SFSWAP: variants seen among roughly 807,000 people sequenced by gnomAD.
The protein encoded by SFSWAP is splicing factor, suppressor of white-apricot homolog.
SFSWAP carries 17 observed loss-of-function variants against 100.7 expected under a neutral mutation model. The observed-to-expected ratio is 0.17, with a 90% confidence interval of 0.12 to 0.25. SFSWAP has a LOEUF of 0.25. Ranked by LOEUF, SFSWAP falls within the 10% of genes least tolerant of loss-of-function variation. SFSWAP has a pLI of 1.00. For synonymous variants in SFSWAP, 504 were observed against 510.1 expected, an observed-to-expected ratio of 0.99 and a Z score of 0.16; for missense variants, 1,005 against 1,262.6, an observed-to-expected ratio of 0.80 and a Z score of 3.09.
At chr12:131,732,715 G>T (rs1235763138) in intron 7 of SFSWAP, among the ~76,000 whole-genome samples, 1 of 152,194 alleles carries the variant, frequency 6.6e-6, no homozygotes, top group Non-Finnish European at 1.5e-5. Flanking sequence ...TCCATGCTCT[G>T]GGCATGCATA....
intron 13 of SFSWAP, among the ~76,000 whole-genome samples, chr12:131,772,533 A>T (rs1290596315): frequency 1.3e-5 from 2 of 152,212 alleles, no homozygotes; most frequent in Non-Finnish European, 2.9e-5. Flanking sequence ...GCTGCCACTC[A>T]ATCCCTTACG....
In SFSWAP at chr12:131,764,630, T is replaced by A. The variant is rs761441593; in HGVS notation, c.1895T>A (p.Val632Glu). Reference sequence around the variant, plus strand: ...AACCCAGCAGTTGCCCCACCCTGTGTAGTTGTTGAGGAGAAGAAGCCTCAA... The same window carrying A: ...AACCCAGCAGTTGCCCCACCCTGTGAAGTTGTTGAGGAGAAGAAGCCTCAA... ...NTNPAVAPPCVVVEEKKPQLT... is the reference protein window; with the variant it reads ...NTNPAVAPPCEVVEEKKPQLT... The change falls in exon 12 of 18, where the codon GTA (valine) becomes GAA (glutamate). Residue 632 changes from valine (V) to glutamate (E), a missense_variant. This residue lies in a region of SFSWAP where 82 missense variants were observed against 131.0 expected (regional missense o/e 0.63). Transcript: ENST00000261674. The A allele has an allele frequency of 4.0e-5, 65 of 1,614,102 alleles. No individual in the cohort carries two copies. Among genetic ancestry groups the A allele is most frequent in the Non-Finnish European group, 5.2e-5 (61 of 1,180,050 alleles).
Position 131,764,665 on chromosome 12 carries a change from G to A in SFSWAP, c.1930G>A (p.Glu644Lys). The A allele has an allele frequency of 6.2e-7, 1 of 1,613,568 alleles. No homozygotes were observed. Among genetic ancestry groups the A allele is most frequent in the Non-Finnish European group, 8.5e-7 (1 of 1,179,570 alleles). ...GGAGAAGAAGCCTCAACTTACCCAG[G>A]AGGAGCTAGAAGCAAAGCAAGGTTT... Reference protein sequence around the residue: ...VEEKKPQLTQEELEAKQAKQK... With the variant: ...VEEKKPQLTQKELEAKQAKQK... Residue 644 changes from glutamate to lysine, a missense_variant, in exon 12 of 18, where the codon GAG becomes AAG. Physicochemically the swap from Glu to Lys is moderately conservative, Grantham distance 56. Coordinates refer to ENST00000261674, the MANE Select transcript of SFSWAP (RefSeq NM_004592.4).
chr12:131,736,170 C>A (rs745794555), intron 7 of SFSWAP, among the ~76,000 whole-genome samples: 1 of 152,052 alleles, frequency 6.6e-6, no homozygotes, highest in Non-Finnish European at 1.5e-5. Flanking sequence ...AAAAACAGAT[C>A]CAAATAAAAA....
intron 15 of SFSWAP, among the ~76,000 whole-genome samples, chr12:131,795,964 CGGGAGGGGAGGGATAGGGGAG>C (rs1885609058): frequency 9.0e-6 from 1 of 110,964 alleles, no homozygotes; most frequent in Non-Finnish European, 1.8e-5. Flanking sequence ...GCAAGCAGGA[CGGGAGGGGAGGGATAGGGGAG>C]GGGAGGGGAG....
At chr12:131,771,042 C>T (rs1001350781) in intron 13 of SFSWAP, among the ~76,000 whole-genome samples, 2 of 152,198 alleles carry the variant, frequency 1.3e-5, no homozygotes, top group Non-Finnish European at 1.5e-5. Context: ...TTGAATGGTG[C>T]TCGGTCGTGT....
intron 7 of SFSWAP, among the ~76,000 whole-genome samples, chr12:131,749,679 TAGA>T (rs1881442746): frequency 1.3e-5 from 2 of 152,320 alleles, no homozygotes; most frequent in South Asian, 4.1e-4. Context: ...TGAGGCATTT[TAGA>T]AGCAGTCCAG....
intron 9 of SFSWAP, 56 bp downstream of exon 9, chr12:131,754,555 CT>C: frequency 1.3e-5 from 17 of 1,270,222 alleles, no homozygotes; most frequent in South Asian, 2.3e-5. Context: ...TTCGTTTAGC[CT>C]TTTTTTAAAA....
rs766892345 is a variant in SFSWAP at position 131,764,411 on chromosome 12, T to G, written c.1721-45T>G. The G allele has an allele frequency of 1.0e-5, 16 of 1,533,150 alleles. No homozygotes were observed. The African/African-American group carries it at 2.1e-4, about 20-fold the overall frequency. The allele number at this position is 1,533,150 out of a possible 1,614,324, so 95.0% of individuals were successfully genotyped here. A position where few individuals can be genotyped will look rare whatever the true frequency, so the allele number is the denominator to read the frequency against. On this transcript the variant is annotated intron_variant, in intron 11 of 17. Coordinates refer to ENST00000261674, the MANE Select transcript of SFSWAP (RefSeq NM_004592.4). The stretch of plus-strand genomic sequence containing the variant: ...GGTGGGTAGCAGGGCCTGCAAAGAT[T>G]TCCACTCTGTAACATGTATCATAAT...
At chr12:131,741,320 G>A (rs969065145) in intron 7 of SFSWAP, among the ~76,000 whole-genome samples, 3 of 152,074 alleles carry the variant, frequency 2.0e-5, no homozygotes, top group African/African-American at 7.2e-5. Context: ...TTGTTTGTTT[G>A]TATTTTTTCA....
chr12:131,755,246 C>T (rs367904689), intron 9 of SFSWAP, 140 bp from the exon 10 acceptor site: 6 of 636,192 alleles, frequency 9.4e-6, no homozygotes, highest in African/African-American at 1.8e-5. Context: ...CAGTCTCCCT[C>T]GTCTATAAGA....
chr12:131,759,455 C>T (rs1375607822), intron 11 of SFSWAP, among the ~76,000 whole-genome samples: 1 of 152,110 alleles, frequency 6.6e-6, no homozygotes, highest in Non-Finnish European at 1.5e-5. Flanking sequence ...CTGTAGACCA[C>T]GATCACTTAC....
rs528963935 is a variant in SFSWAP, at chr12:131,711,712, A to G, written c.218+265A>G. ...GTCCCGCAGCCCCTCTCGACCCCTC[A>G]CCCTGTCGCTGGGCTGCAGTTGGCG... On this transcript the variant is annotated intron_variant, in intron 1 of 17. Coordinates refer to ENST00000261674, the MANE Select transcript of SFSWAP (RefSeq NM_004592.4). This position sits in a 1 kb window ranked among gnomAD's most constrained non-coding sequence, Gnocchi z 4.9. 2.3e-6 allele frequency: 1 copy of G among 444,128 alleles called. No individual in the cohort carries two copies. The highest frequency in any genetic ancestry group is 2.9e-5 in the South Asian group (1 of 34,456). The allele number at this position is 444,128 out of a possible 1,614,324, so 27.5% of individuals were successfully genotyped here. A position where few individuals can be genotyped will look rare whatever the true frequency, so the allele number is the denominator to read the frequency against.
chr12:131,723,774 T>C (rs2136185763), intron 4 of SFSWAP, among the ~76,000 whole-genome samples: 1 of 152,362 alleles, frequency 6.6e-6, no homozygotes, highest in South Asian at 2.1e-4. Context: ...ATGCCTCCTC[T>C]GGAGCTTAAA....
chr12:131,772,070 C>T lies in SFSWAP; in HGVS notation c.2142+5762C>T, dbSNP rs531658937. On this transcript the variant is annotated intron_variant, in intron 13 of 17. Transcript: ENST00000261674. ...AGGGCCCTTTCTTTGTCTTATGCTG[C>T]GTCATGTTAGCTGTTTGTCATCAGT... is the stretch of plus-strand genomic sequence containing the variant. Among the ~76,000 whole-genome samples, 20 of 152,238 alleles carry T rather than the reference C, an allele frequency of 1.3e-4. No homozygotes were observed. In the East Asian group the frequency reaches 3.1e-3, roughly 23 times the overall value.
intron 15 of SFSWAP, among the ~76,000 whole-genome samples, chr12:131,790,162 GAT>G (rs985210948): frequency 3.9e-5 from 6 of 152,132 alleles, no homozygotes; most frequent in Non-Finnish European, 5.9e-5. Flanking sequence ...TTTTGGTTTT[GAT>G]TTTTTATTTG....
rs769329982 is a variant in SFSWAP, at chr12:131,778,150, G to C, written c.2228G>C (p.Ser743Thr). The C allele has an allele frequency of 6.2e-6, 10 of 1,612,132 alleles. No individual in the cohort carries two copies. In the Middle Eastern group the frequency reaches 5.0e-4, roughly 80 times the overall value. ...LEVKPPDRPSSKSKDPPREEE... is the reference protein window; with the variant it reads ...LEVKPPDRPSTKSKDPPREEE... ...GTTAAACCACCCGATAGGCCTTCGA[G>C]CAAAAGCAAAGATCCACCGAGAGAA... Residue 743 changes from serine (S) to threonine (T), a missense_variant, in exon 14 of 18, where the codon AGC becomes ACC. Coordinates refer to ENST00000261674, the MANE Select transcript of SFSWAP (RefSeq NM_004592.4). The surrounding 1 kb of genome is among the most constrained non-coding windows in gnomAD (Gnocchi z 4.2).
chr12:131,790,668 A>AT (rs1885176775), intron 15 of SFSWAP, among the ~76,000 whole-genome samples: 1 of 152,182 alleles, frequency 6.6e-6, no homozygotes, highest in Non-Finnish European at 1.5e-5. Flanking sequence ...CGGTTATCTT[A>AT]TTGTAGCAAA....
chr12:131,726,846 A>C (rs564198685), intron 5 of SFSWAP, 94 bp from the exon 6 acceptor site: 1 of 795,298 alleles, frequency 1.3e-6, no homozygotes, highest in African/African-American at 1.7e-5. Context: ...ACAGATAACC[A>C]AGATAACTTG....
Sources: gnomAD v4.1 joint callset for allele counts (sites outside exome capture counted in the v4.1 genomes callset) on GRCh38, gnomAD v4.1.1 for gene constraint, gnomAD v4.1.1 regional missense constraint, Gnocchi (gnomAD v3.1) non-coding constraint, MANE v1.5 for transcripts, NCBI Gene and HGNC (gene_info 2026-07-23, HGNC 2026-07-21) for gene names.